Variants in HMCN1 observed in about 807,000 individuals in gnomAD.
HMCN1 encodes hemicentin-1.
A neutral mutation model predicts 625.9 loss-of-function variants in HMCN1; 321 were observed. That is an observed-to-expected ratio of 0.51 (90% CI 0.47 to 0.56). The LOEUF is 0.56. HMCN1 is among the 20% of genes least tolerant of loss of function. The pLI, the probability that HMCN1 is intolerant of heterozygous loss-of-function variation, is 0.00. For synonymous variants in HMCN1, 2,425 were observed against 2,417.6 expected (o/e 1.00, Z -0.09); for missense variants, 6,588 against 6,887.3 (o/e 0.96, Z 1.54).
chr1:185,757,784 G>A (rs1655229380), intron 1 of HMCN1, among the ~76,000 whole-genome samples: 1 of 152,126 alleles, frequency 6.6e-6, no homozygotes, highest in African/African-American at 2.4e-5. Context: ...AATGAATAGT[G>A]TTTTCTTCAT....
intron 1 of HMCN1, among the ~76,000 whole-genome samples, chr1:185,736,481 A>G (rs1653584583): frequency 6.6e-6 from 1 of 152,176 alleles, no homozygotes. Context: ...GAATACCTTG[A>G]GTATGTTTCT....
chr1:185,807,806 T>G (rs898083155), intron 1 of HMCN1, among the ~76,000 whole-genome samples: 7 of 152,096 alleles, frequency 4.6e-5, no homozygotes, highest in African/African-American at 1.7e-4. Context: ...GTCTGAAAGA[T>G]GAGAGATAAC....
intron 83 of HMCN1, 95 bp downstream of exon 83, chr1:186,128,386 C>A: frequency 9.9e-7 from 1 of 1,006,080 alleles, no homozygotes; most frequent in Non-Finnish European, 1.5e-6. Flanking sequence ...TGAAAAGTAA[C>A]AAGAATTGAT....
intron 11 of HMCN1, among the ~76,000 whole-genome samples, chr1:185,962,307 G>A (rs956920193): frequency 3.3e-5 from 5 of 152,166 alleles, no homozygotes; most frequent in Non-Finnish European, 4.4e-5. Flanking sequence ...ATATAACATC[G>A]GGATCAAATT....
chr1:186,093,579 C>T lies in HMCN1; in HGVS notation c.10106C>T (p.Thr3369Met), dbSNP rs373982404. The change falls in exon 66 of 107, where the codon ACG becomes ATG. Residue 3369 changes from threonine (T) to methionine (M), a missense_variant. Physicochemically the swap from Thr to Met is moderately conservative, Grantham distance 81. This residue lies in a region of HMCN1 where 4,628 missense variants were observed against 4,853.1 expected (regional missense o/e 0.95). Coordinates refer to ENST00000271588, the MANE Select transcript of HMCN1 (RefSeq NM_031935.3). ...AATATTGAATGCAGAGCCACAGGGA[C>T]GCCTCCACCACAGATAAACTGGCTG... The part of the protein sequence containing the change: ...SINIECRATG[T>M]PPPQINWLKN... The T allele has an allele frequency of 3.5e-5, 56 of 1,613,284 alleles. No homozygotes were observed. The highest frequency in any genetic ancestry group is 5.0e-5 in the Admixed American group (3 of 59,856).
In HMCN1 at chr1:185,888,519, C is replaced by G. The variant is rs1664823315; in HGVS notation, c.622-20818C>G. ...AAGGAAGGGATCCAGTTTCAGCTTT[C>G]TACATATGGCTAGCCAGTTTTCCCA... On this transcript the variant is annotated intron_variant, in intron 4 of 106. Transcript: ENST00000271588. Among the ~76,000 whole-genome samples the G allele has an allele frequency of 2.8e-5, 4 of 143,148 alleles. No homozygotes were observed. In the South Asian group the frequency reaches 8.4e-4, roughly 30 times the overall value. 93.9% of individuals were successfully genotyped at this position (143,148 alleles called of 152,430 possible).
At chr1:186,081,457 T>G in intron 56 of HMCN1, 63 bp downstream of exon 56, 1 of 1,190,530 alleles carries the variant, frequency 8.4e-7, no homozygotes, top group Non-Finnish European at 1.2e-6. Flanking sequence ...GTAATAATTG[T>G]TTTTGACTTT....
chr1:186,112,804 G>A lies in HMCN1; in HGVS notation c.10990-8G>A, dbSNP rs1404567931. ...TTAACGGCAAATTTCTTTACTTGCT[G>A]AATCCAGGCAACACCTCGAGTGCGA... On this transcript the variant is annotated splice_polypyrimidine_tract_variant and splice_region_variant and intron_variant, in intron 71 of 106. Coordinates refer to ENST00000271588, the MANE Select transcript of HMCN1 (RefSeq NM_031935.3). 1 of 1,613,998 alleles carries A rather than the reference G, an allele frequency of 6.2e-7. No homozygotes were observed. Among genetic ancestry groups the A allele is most frequent in the Admixed American group, 1.7e-5 (1 of 60,022 alleles).
chr1:186,126,078 TCTTAAC>T (rs1205421500), intron 82 of HMCN1, among the ~76,000 whole-genome samples: 55 of 152,246 alleles, frequency 3.6e-4, no homozygotes, highest in African/African-American at 1.2e-3. Flanking sequence ...TATTCTGTGC[TCTTAAC>T]CTTATTTGGC....
intron 41 of HMCN1, among the ~76,000 whole-genome samples, chr1:186,048,511 A>G (rs1220673197): frequency 6.6e-6 from 1 of 152,060 alleles, no homozygotes; most frequent in Non-Finnish European, 1.5e-5. Flanking sequence ...TAGACCCTCA[A>G]CCCCTAATAT....
At position 185,881,342 on chromosome 1, in the gene HMCN1, C is replaced by A. The variant is rs61580019; in HGVS notation, c.621+15479C>A. 7.6e-3 allele frequency among the ~76,000 whole-genome samples: 1,157 copies of A among 152,286 alleles called. 14 individuals are homozygous for A. The highest frequency in any genetic ancestry group is 0.025 in the African/African-American group (1,039 of 41,550). On this transcript the variant is annotated intron_variant, in intron 4 of 106. Transcript: ENST00000271588. Reference sequence around the variant, plus strand: ...AAAGGGGATGGAGTAGGAAGGCAATCTTCCCCTGAAGTCCAGCCATCTCTG... The same window carrying A: ...AAAGGGGATGGAGTAGGAAGGCAATATTCCCCTGAAGTCCAGCCATCTCTG...
chr1:186,138,045 C>A, intron 89 of HMCN1, 73 bp downstream of exon 89: 1 of 1,512,140 alleles, frequency 6.6e-7, no homozygotes, highest in Non-Finnish European at 9.1e-7. Context: ...ATTACATTTG[C>A]CTTTTCTTCT....
intron 29 of HMCN1, among the ~76,000 whole-genome samples, chr1:186,005,716 A>T (rs1185773159): frequency 2.0e-5 from 3 of 152,194 alleles, no homozygotes; most frequent in Non-Finnish European, 4.4e-5. Context: ...CAGACCAAGG[A>T]TACTTTTTCT....
chr1:185,963,677 T>C, intron 12 of HMCN1, 91 bp from the exon 13 acceptor site: 1 of 992,722 alleles, frequency 1.0e-6, no homozygotes, highest in Non-Finnish European at 1.6e-6. Flanking sequence ...TCTACAACGT[T>C]TGAAAATATT....
chr1:185,933,432 G>A, intron 10 of HMCN1, 117 bp from the exon 11 acceptor site: 1 of 957,604 alleles, frequency 1.0e-6, no homozygotes, highest in South Asian at 1.4e-5. Flanking sequence ...AAGTTCTGTT[G>A]CACTGCATCT....
intron 52 of HMCN1, among the ~76,000 whole-genome samples, chr1:186,074,371 C>T (rs1380708004): frequency 2.1e-5 from 1 of 46,934 alleles, no homozygotes; most frequent in Non-Finnish European, 3.9e-5. Context: ...ACATTTTCTA[C>T]AAAATTATAA....
chr1:186,112,077 A>G (rs1027407171), intron 71 of HMCN1, among the ~76,000 whole-genome samples: 15 of 152,224 alleles, frequency 9.9e-5, no homozygotes, highest in African/African-American at 7.2e-5. Context: ...TAGCTCTCCA[A>G]TTAGACTTAA....
intron 11 of HMCN1, among the ~76,000 whole-genome samples, chr1:185,942,592 G>A (rs1415427850): frequency 2.0e-5 from 3 of 152,200 alleles, no homozygotes; most frequent in Admixed American, 1.3e-4. Flanking sequence ...ACAGACGGCT[G>A]TTATTTACTA....
chr1:185,756,478 TAAAA>T (rs549588321), intron 1 of HMCN1, among the ~76,000 whole-genome samples: 3 of 126,644 alleles, frequency 2.4e-5, no homozygotes, highest in African/African-American at 2.8e-5. Flanking sequence ...GACCTCAGGG[TAAAA>T]AAAAAAAAAA....
Sources: allele counts gnomAD v4.1 joint callset (sites outside exome capture counted in the v4.1 genomes callset), GRCh38; gene constraint gnomAD v4.1.1; regional missense constraint gnomAD v4.1.1; transcripts MANE v1.5; gene names NCBI Gene and HGNC (gene_info 2026-07-23, HGNC 2026-07-21).